The following TMEM213 variants were observed in gnomAD, a reference collection of about 807,000 sequenced individuals.
The protein encoded by TMEM213 is transmembrane protein 213.
A neutral mutation model predicts 11.6 loss-of-function variants in TMEM213; 7 were observed. The ratio of observed to expected loss-of-function variants is 0.60; its 90% CI spans 0.34 to 1.13. The LOEUF is 1.13. Among genes scored for constraint, TMEM213 ranks in the 50% most tolerant of loss-of-function variants. TMEM213 has a pLI of 0.03. For synonymous variants in TMEM213, 60 were observed against 58.3 expected, an observed-to-expected ratio of 1.03 and a Z score of -0.13; for missense variants, 129 against 139.0, an observed-to-expected ratio of 0.93 and a Z score of 0.36.
At chr7:138,802,775 GGCACGTAGTAGGC>G in intron 2 of TMEM213, 112 bp from the exon 3 acceptor site, 1 of 987,246 alleles carries the variant, frequency 1.0e-6, no homozygotes, top group African/African-American at 1.7e-5. Flanking sequence ...CACAGTGCAT[GGCACGTAGTAGGC>G]CTCATCAGTG....
chr7:138,798,263 G>A, intron 1 of TMEM213, 77 bp downstream of exon 1: 1 of 1,373,716 alleles, frequency 7.3e-7, no homozygotes, highest in Non-Finnish European at 1.0e-6. Context: ...AGGGAAAGAA[G>A]GAGGAGGGGG....
Position 138,805,984 on chromosome 7 carries a change from G to A in TMEM213, c.*2915G>A, listed in dbSNP as rs1442397714. On this transcript the variant is annotated 3_prime_UTR_variant, in exon 3 of 3. Coordinates refer to ENST00000442682, the MANE Select transcript of TMEM213 (RefSeq NM_001085429.2). The stretch of plus-strand genomic sequence containing the variant: ...TAGACTACTTTGAACTGAAGTATGT[G>A]CAGTCTGCCATCTCACATTAAAATG... The A allele has an allele frequency of 6.6e-6, 1 of 152,074 alleles. No homozygotes were observed. Among genetic ancestry groups the A allele is most frequent in the East Asian group, 1.9e-4 (1 of 5,190 alleles). The allele number at this position is 152,074 out of a possible 1,614,324, so 9.4% of individuals were successfully genotyped here.
chr7:138,802,900 A>T lies in TMEM213; in HGVS notation c.155A>T (p.Asn52Ile). ...GTCCTTGCTGTCCCTTCCCCACCAGACGTGGACTTCTGCCCACAAGCAGCC... is the reference window on the plus strand; with the variant it reads ...GTCCTTGCTGTCCCTTCCCCACCAGTCGTGGACTTCTGCCCACAAGCAGCC... ...PDPGTLEQCLNVDFCPQAARC... is the reference protein window; with the variant it reads ...PDPGTLEQCLIVDFCPQAARC... Residue 52 changes from asparagine to isoleucine, a missense_variant and splice_region_variant, in exon 3 of 3, where the codon AAC becomes ATC. Physicochemically the swap from Asn to Ile is moderately radical, Grantham distance 149. Transcript: ENST00000442682. 6.4e-7 allele frequency: 1 copy of T among 1,566,016 alleles called. No homozygotes were observed. The highest frequency in any genetic ancestry group is 8.6e-7 in the Non-Finnish European group (1 of 1,160,114).
rs947661058 is a variant in TMEM213, at chr7:138,803,121, G to A, written c.*52G>A. 1 of 1,576,968 alleles carries A rather than the reference G, an allele frequency of 6.3e-7. No individual in the cohort carries two copies. Among genetic ancestry groups the A allele is most frequent in the African/African-American group, 1.3e-5 (1 of 74,168 alleles). On this transcript the variant is annotated 3_prime_UTR_variant, in exon 3 of 3. Coordinates refer to ENST00000442682, the MANE Select transcript of TMEM213 (RefSeq NM_001085429.2). ...GATCGCCACCAATTTGTGGCTAATG[G>A]GGAAGGGGAGTAAGGCTAACATGGT...
chr7:138,798,111 C>A lies in TMEM213; in HGVS notation c.7C>A (p.Arg3Ser), dbSNP rs1317649447. MQ[R>S]LPAATRATLI... ...ACTCAGCACAGCCTCCAGCATGCAG[C>A]GCCTCCCCGCTGCCACCCGGGCCAC... The change falls in exon 1 of 3, where the codon CGC (arginine) becomes AGC (serine). Residue 3 changes from arginine (R) to serine (S), a missense_variant. Coordinates refer to ENST00000442682, the MANE Select transcript of TMEM213 (RefSeq NM_001085429.2). 3.8e-6 allele frequency: 6 copies of A among 1,597,464 alleles called. No individual in the cohort carries two copies. The highest frequency in any genetic ancestry group is 1.3e-5 in the African/African-American group (1 of 74,616).
At position 138,803,125 on chromosome 7, in the gene TMEM213, A is replaced by T. The variant is rs1335829413; in HGVS notation, c.*56A>T. 3.8e-6 allele frequency: 6 copies of T among 1,561,000 alleles called. No homozygotes were observed. The highest frequency in any genetic ancestry group is 5.2e-6 in the Non-Finnish European group (6 of 1,149,184). On this transcript the variant is annotated 3_prime_UTR_variant, in exon 3 of 3. Transcript: ENST00000442682. ...GCCACCAATTTGTGGCTAATGGGGA[A>T]GGGGAGTAAGGCTAACATGGTTTCT...
intron 2 of TMEM213, among the ~76,000 whole-genome samples, chr7:138,802,596 T>C (rs1166355393): frequency 6.7e-6 from 1 of 149,926 alleles, no homozygotes; most frequent in Non-Finnish European, 1.5e-5. Context: ...GAATAATACA[T>C]AGAGGTTAAG....
chr7:138,802,791 CAT>C, intron 2 of TMEM213, 107 bp from the exon 3 acceptor site: 2 of 1,186,402 alleles, frequency 1.7e-6, no homozygotes, highest in Non-Finnish European at 2.3e-6. Context: ...TAGTAGGCCT[CAT>C]CAGTGTCAGC....
In TMEM213 at chr7:138,803,283, G is replaced by C. The variant is rs1023932254; in HGVS notation, c.*214G>C. 1.7e-6 allele frequency: 1 copy of C among 584,990 alleles called. No homozygotes were observed. Among genetic ancestry groups the C allele is most frequent in the African/African-American group, 1.9e-5 (1 of 52,862 alleles). 36.2% of individuals were successfully genotyped at this position (584,990 alleles called of 1,614,324 possible). On this transcript the variant is annotated 3_prime_UTR_variant, in exon 3 of 3. Coordinates refer to ENST00000442682, the MANE Select transcript of TMEM213 (RefSeq NM_001085429.2). ...CCCAAGGGCCCCTGGGCTGTGCCCA[G>C]GTAACTCCTCTCTCAAGATAGTCCC...
chr7:138,801,201 G>A, intron 1 of TMEM213, 126 bp from the exon 2 acceptor site: 2 of 838,822 alleles, frequency 2.4e-6, no homozygotes, highest in South Asian at 3.1e-5. Flanking sequence ...GCCTCAATAT[G>A]CCCATGCGGG....
Position 138,798,169 on chromosome 7 carries a change from ACTCGGCTTG to A in TMEM213, c.72_80del (p.Cys25_Ala27del). 3 of 1,595,212 alleles carry A rather than the reference ACTCGGCTTG, an allele frequency of 1.9e-6. No individual in the cohort carries two copies. The highest frequency in any genetic ancestry group is 2.6e-6 in the Non-Finnish European group (3 of 1,171,792). ...CTCAGCCTGGCCTTTGCCTCCCTCC[ACTCGGCTTG>A]CTCGGCAGGTAGCGTTATGAGCTTT... On this transcript the variant is annotated inframe_deletion, in exon 1 of 3. Coordinates refer to ENST00000442682, the MANE Select transcript of TMEM213 (RefSeq NM_001085429.2).
rs1809076311 is a variant in TMEM213 at position 138,805,253 on chromosome 7, G to A, written c.*2184G>A. On this transcript the variant is annotated 3_prime_UTR_variant, in exon 3 of 3. Transcript: ENST00000442682. ...ACAAAAAAAAAAAAAAGATTAGCCA[G>A]GCGTGGTGGTGCACACTGATAGTCC... The A allele has an allele frequency of 6.6e-6, 1 of 151,808 alleles. No individual in the cohort carries two copies. The highest frequency in any genetic ancestry group is 1.5e-5 in the Non-Finnish European group (1 of 68,010). The allele number at this position is 151,808 out of a possible 1,614,324, so 9.4% of individuals were successfully genotyped here.
chr7:138,801,239 A>G, intron 1 of TMEM213, 88 bp from the exon 2 acceptor site: 1 of 1,195,420 alleles, frequency 8.4e-7, no homozygotes, highest in Non-Finnish European at 1.2e-6. Context: ...CATAATACTC[A>G]CTACTGATTT....
At chr7:138,798,301 C>A (rs894411050) in intron 1 of TMEM213, 115 bp downstream of exon 1, 3 of 834,854 alleles carry the variant, frequency 3.6e-6, no homozygotes, top group African/African-American at 3.9e-5. Flanking sequence ...GTTGGTCCTG[C>A]GCAAAGGAAG....
intron 1 of TMEM213, among the ~76,000 whole-genome samples, chr7:138,800,807 C>A (rs536360976): frequency 6.6e-6 from 1 of 151,212 alleles, no homozygotes; most frequent in Non-Finnish European, 1.5e-5. Flanking sequence ...TCAAGCAATT[C>A]TGCTGCCCCA....
At position 138,805,688 on chromosome 7, in the gene TMEM213, AC is replaced by A. The variant is rs2130273787; in HGVS notation, c.*2620del. On this transcript the variant is annotated 3_prime_UTR_variant, in exon 3 of 3. Coordinates refer to ENST00000442682, the MANE Select transcript of TMEM213 (RefSeq NM_001085429.2). The stretch of plus-strand genomic sequence containing the variant: ...GAACAGAAATAAGTCACTTTATCTC[AC>A]TGAGCACCAATTTTACACGTGGAAA... 6.6e-6 allele frequency: 1 copy of A among 152,280 alleles called. No individual in the cohort carries two copies. The highest frequency in any genetic ancestry group is 2.4e-5 in the African/African-American group (1 of 41,552). The allele number at this position is 152,280 out of a possible 1,614,324, so 9.4% of individuals were successfully genotyped here. A position where few individuals can be genotyped will look rare whatever the true frequency, so the allele number is the denominator to read the frequency against.
Position 138,801,309 on chromosome 7 carries a change from T to G in TMEM213, c.83-18T>G. Reference sequence around the variant, plus strand: ...GCTTTTGCCAGTGCCTCAGACTATCTCCTATCTTTTCTTCCAGAAGCAAGC... The same window carrying G: ...GCTTTTGCCAGTGCCTCAGACTATCGCCTATCTTTTCTTCCAGAAGCAAGC... On this transcript the variant is annotated intron_variant, in intron 1 of 2. Coordinates refer to ENST00000442682, the MANE Select transcript of TMEM213 (RefSeq NM_001085429.2). The G allele has an allele frequency of 6.2e-7, 1 of 1,607,446 alleles. No homozygotes were observed. The highest frequency in any genetic ancestry group is 1.1e-5 in the South Asian group (1 of 89,710).
At chr7:138,799,462 G>A (rs1406143261) in intron 1 of TMEM213, 1 of 152,190 alleles carries the variant, frequency 6.6e-6, no homozygotes, top group Admixed American at 6.5e-5. Flanking sequence ...GCTTATAAGG[G>A]AGGAGGGCGA....
rs1469198486 is a variant in TMEM213 at position 138,804,212 on chromosome 7, C to T, written c.*1143C>T. The T allele has an allele frequency of 6.6e-6, 1 of 152,392 alleles. No homozygotes were observed. The highest frequency in any genetic ancestry group is 1.5e-5 in the Non-Finnish European group (1 of 68,202). The allele number at this position is 152,392 out of a possible 1,614,324, so 9.4% of individuals were successfully genotyped here. ...GCAGCTGCCAGGGTAGGCGCTGTCA[C>T]CTTCTGTTGACAACAGTCAGTAGCT... is the stretch of plus-strand genomic sequence containing the variant. On this transcript the variant is annotated 3_prime_UTR_variant, in exon 3 of 3. Coordinates refer to ENST00000442682, the MANE Select transcript of TMEM213 (RefSeq NM_001085429.2).
Sources: gnomAD v4.1 joint callset for allele counts (sites outside exome capture counted in the v4.1 genomes callset) on GRCh38, gnomAD v4.1.1 for gene constraint, MANE v1.5 for transcripts, NCBI Gene and HGNC (gene_info 2026-07-23, HGNC 2026-07-21) for gene names.